The following R3HCC1L variants were observed in gnomAD, a reference collection of about 807,000 sequenced individuals.
R3HCC1L encodes coiled-coil domain-containing protein R3HCC1L.
Under a neutral mutation model 59.9 loss-of-function variants are expected in R3HCC1L, and 51 were observed. That is an observed-to-expected ratio of 0.85 (90% confidence interval 0.68 to 1.07). R3HCC1L has a LOEUF of 1.07. R3HCC1L is among the 50% of genes least tolerant of loss of function. R3HCC1L has a pLI of 0.00. For synonymous variants in R3HCC1L, 322 were observed against 315.2 expected (o/e 1.02, Z -0.23); for missense variants, 965 against 933.0 (o/e 1.03, Z -0.45).
intron 8 of R3HCC1L, 144 bp from the exon 9 acceptor site, chr10:98,235,880 C>T: frequency 1.1e-6 from 1 of 948,798 alleles, no homozygotes; most frequent in Non-Finnish European, 1.5e-6. Flanking sequence ...TTCCTCTGAT[C>T]ATCATCTATC....
intron 1 of R3HCC1L, among the ~76,000 whole-genome samples, chr10:98,145,030 A>G (rs897207942): frequency 6.6e-6 from 1 of 152,224 alleles, no homozygotes; most frequent in Non-Finnish European, 1.5e-5. Flanking sequence ...AGGAGATAGG[A>G]TTTGTTAAGT....
At chr10:98,154,844 A>G (rs1056282354) in intron 1 of R3HCC1L, among the ~76,000 whole-genome samples, 13 of 152,256 alleles carry the variant, frequency 8.5e-5, no homozygotes, top group Non-Finnish European at 1.2e-4. Flanking sequence ...AATTGCATCA[A>G]CAGGATGTTG....
At position 98,209,591 on chromosome 10, in the gene R3HCC1L, A is replaced by G. The variant is rs754877973; in HGVS notation, c.1477A>G (p.Met493Val). Residue 493 changes from methionine (M) to valine (V), a missense_variant, in exon 5 of 10, where the codon ATG (methionine) becomes GTG (valine). Transcript: ENST00000298999. ...YNTFLDSELS[M>V]LNGTKVLSDS... ...CACTTTTTTGGACTCTGAACTCAGT[A>G]TGTTAAATGGGACAAAAGTTCTTTC... 26 of 1,613,920 alleles carry G rather than the reference A, an allele frequency of 1.6e-5. No individual in the cohort carries two copies. The highest frequency in any genetic ancestry group is 1.9e-5 in the Non-Finnish European group (23 of 1,179,980).
At chr10:98,147,240 G>A (rs185286782) in intron 1 of R3HCC1L, among the ~76,000 whole-genome samples, 3 of 152,092 alleles carry the variant, frequency 2.0e-5, no homozygotes, top group Admixed American at 6.5e-5. Context: ...TCTTTTGCCT[G>A]TTTTTAAATC....
At chr10:98,229,126 T>G (rs1376623904) in intron 5 of R3HCC1L, among the ~76,000 whole-genome samples, 2 of 152,088 alleles carry the variant, frequency 1.3e-5, no homozygotes, top group Non-Finnish European at 2.9e-5. Context: ...GTGAAGAAAG[T>G]CATTGGTAGC....
At chr10:98,150,547 C>A (rs1846050271) in intron 1 of R3HCC1L, among the ~76,000 whole-genome samples, 1 of 151,792 alleles carries the variant, frequency 6.6e-6, no homozygotes, top group South Asian at 2.1e-4. Context: ...TAGATTGCTG[C>A]CTCCTTTTCG....
At chr10:98,223,111 C>G (rs946969046) in intron 5 of R3HCC1L, among the ~76,000 whole-genome samples, 1 of 152,076 alleles carries the variant, frequency 6.6e-6, no homozygotes, top group Non-Finnish European at 1.5e-5. Flanking sequence ...ACCAGAGGTA[C>G]AAGGAGGAAC....
intron 4 of R3HCC1L, among the ~76,000 whole-genome samples, chr10:98,206,425 T>C (rs767970869): frequency 3.9e-5 from 6 of 152,210 alleles, no homozygotes; most frequent in South Asian, 2.1e-4. Context: ...AGAAATGATA[T>C]TGAATTTTAA....
chr10:98,206,742 A>G (rs898786709), intron 4 of R3HCC1L, among the ~76,000 whole-genome samples: 5 of 152,192 alleles, frequency 3.3e-5, no homozygotes, highest in African/African-American at 7.2e-5. Context: ...CAGGTGTGCT[A>G]TGTCTCTGGT....
chr10:98,229,796 G>C (rs1856140366), intron 5 of R3HCC1L, among the ~76,000 whole-genome samples: 1 of 152,170 alleles, frequency 6.6e-6, no homozygotes, highest in Admixed American at 6.6e-5. Flanking sequence ...ATGAAGGGTT[G>C]TTGAATTTTG....
intron 4 of R3HCC1L, among the ~76,000 whole-genome samples, chr10:98,194,481 A>G (rs1003459172): frequency 7.2e-5 from 11 of 152,166 alleles, no homozygotes; most frequent in South Asian, 2.1e-4. Context: ...TGTAAAAAAC[A>G]TACATCCAAC....
chr10:98,153,030 A>C (rs1590426982), intron 1 of R3HCC1L, among the ~76,000 whole-genome samples: 1 of 149,068 alleles, frequency 6.7e-6, no homozygotes, highest in Non-Finnish European at 1.5e-5. Context: ...CCCGTCCGGG[A>C]GGTGGGGGGC....
chr10:98,143,461 C>A (rs1176735105), intron 1 of R3HCC1L, among the ~76,000 whole-genome samples: 1 of 152,146 alleles, frequency 6.6e-6, no homozygotes, highest in African/African-American at 2.4e-5. Flanking sequence ...TTGGTTTTTT[C>A]CTCCAGTATT....
chr10:98,167,563 T>TAAATAGCTC (rs1848082872), intron 4 of R3HCC1L, among the ~76,000 whole-genome samples: 1 of 152,270 alleles, frequency 6.6e-6, no homozygotes, highest in African/African-American at 2.4e-5. Flanking sequence ...ACATACAAAA[T>TAAATAGCTC]AAATAGCTTT....
rs1293007993 is a variant in R3HCC1L, at chr10:98,208,531, T to C, written c.417T>C (p.His139=). Residue 139 remains histidine (H), a synonymous_variant, in exon 5 of 10, where the codon CAT becomes CAC. Coordinates refer to ENST00000298999, the MANE Select transcript of R3HCC1L (RefSeq NM_001351015.2). The part of the protein sequence containing the change: ...GVITNAPLQR[H]FKPKKVECLE... ...TAACTAATGCACCTTTGCAGAGACA[T>C]TTTAAACCAAAGAAGGTGGAGTGTT... 1.1e-5 allele frequency: 18 copies of C among 1,614,016 alleles called. No individual in the cohort carries two copies. The highest frequency in any genetic ancestry group is 1.5e-5 in the Non-Finnish European group (18 of 1,180,022).
intron 4 of R3HCC1L, among the ~76,000 whole-genome samples, chr10:98,198,462 G>T (rs549490593): frequency 6.8e-6 from 1 of 147,372 alleles, no homozygotes; most frequent in South Asian, 2.3e-4. Context: ...GTGAAACCAA[G>T]GAAGTTATTT....
intron 5 of R3HCC1L, among the ~76,000 whole-genome samples, chr10:98,216,053 A>G (rs1564710980): frequency 6.6e-6 from 1 of 152,200 alleles, no homozygotes; most frequent in Non-Finnish European, 1.5e-5. Context: ...GTTTGTCACT[A>G]TCAGAAGTTT....
At chr10:98,150,606 A>G (rs1480703891) in intron 1 of R3HCC1L, among the ~76,000 whole-genome samples, 2 of 152,050 alleles carry the variant, frequency 1.3e-5, no homozygotes, top group African/African-American at 4.8e-5. Flanking sequence ...CTAGTAACCA[A>G]TCAGTATGCT....
intron 1 of R3HCC1L, among the ~76,000 whole-genome samples, chr10:98,135,624 C>G (rs1345435275): frequency 6.6e-6 from 1 of 152,160 alleles, no homozygotes; most frequent in East Asian, 1.9e-4. Flanking sequence ...CGAATCTGAA[C>G]CATACAGATG....
Sources: allele counts gnomAD v4.1 joint callset (sites outside exome capture counted in the v4.1 genomes callset), GRCh38; gene constraint gnomAD v4.1.1; transcripts MANE v1.5; gene names NCBI Gene and HGNC (gene_info 2026-07-23, HGNC 2026-07-21).